EFHD1: variants seen among roughly 807,000 people sequenced by gnomAD.
EFHD1 encodes the protein EF-hand domain family member D1, also known as EF-hand domain-containing protein D1.
A neutral mutation model predicts 17.2 loss-of-function variants in EFHD1; 10 were observed. The ratio of observed to expected loss-of-function variants is 0.58; its 90% confidence interval spans 0.36 to 0.99. The LOEUF is 0.99. Among genes scored for constraint, EFHD1 ranks in the 50% least tolerant of loss-of-function variants. The pLI is 0.01. For synonymous variants in EFHD1, 153 were observed against 142.0 expected, an observed-to-expected ratio of 1.08 and a Z score of -0.55; for missense variants, 310 against 327.5, an observed-to-expected ratio of 0.95 and a Z score of 0.41.
chr2:232,624,826 G>A (rs563287221), intron 1 of EFHD1, among the ~76,000 whole-genome samples: 4 of 152,222 alleles, frequency 2.6e-5, no homozygotes, highest in Admixed American at 6.5e-5. Context: ...GGAGCTCCAC[G>A]CTTACAGCCT....
At chr2:232,632,109 T>C (rs1390021260), upstream of EFHD1, among the ~76,000 whole-genome samples, 2 of 152,178 alleles carry the variant, frequency 1.3e-5, no homozygotes, top group African/African-American at 4.8e-5. Context: ...TCAAAACAGA[T>C]GTGACAACAA....
chr2:232,635,363 T>C (rs1183892240), intron 1 of EFHD1, among the ~76,000 whole-genome samples: 9 of 152,120 alleles, frequency 5.9e-5, no homozygotes, highest in African/African-American at 1.7e-4. Flanking sequence ...CAAGTTTTCT[T>C]GTGGCCACTC....
At chr2:232,612,729 CT>C (rs1693832593) in intron 1 of EFHD1, among the ~76,000 whole-genome samples, 1 of 141,424 alleles carries the variant, frequency 7.1e-6, no homozygotes, top group South Asian at 2.2e-4. Context: ...TTCTTTTTTT[CT>C]TTTCTTTTTT....
intron 3 of EFHD1, among the ~76,000 whole-genome samples, chr2:232,673,332 G>A (rs867846839): frequency 3.9e-5 from 6 of 152,322 alleles, no homozygotes; most frequent in Admixed American, 6.5e-5. Flanking sequence ...TTGAGAGCCC[G>A]AGCTTAGCAG....
intron 1 of EFHD1, among the ~76,000 whole-genome samples, chr2:232,610,065 G>T (rs542509278): frequency 1.3e-5 from 2 of 152,234 alleles, no homozygotes; most frequent in Non-Finnish European, 2.9e-5. Context: ...AGGGCACAGC[G>T]CCTGTCCCGC....
intron 1 of EFHD1, chr2:232,606,548 G>A (rs969526197): frequency 2.9e-6 from 1 of 339,702 alleles, no homozygotes; most frequent in Admixed American, 3.9e-5. Context: ...CGCTGGGGCT[G>A]GGGGACCCTG....
upstream of EFHD1, among the ~76,000 whole-genome samples, chr2:232,628,926 C>G (rs964998884): frequency 2.6e-5 from 4 of 152,112 alleles, no homozygotes; most frequent in African/African-American, 9.7e-5. Context: ...GAAAGCCTAC[C>G]CTTGGAGCCT....
chr2:232,644,741 C>T (rs1020570194), intron 1 of EFHD1, among the ~76,000 whole-genome samples: 4 of 151,334 alleles, frequency 2.6e-5, no homozygotes, highest in Non-Finnish European at 4.4e-5. Flanking sequence ...ATCCACCTGT[C>T]TTGGCCTCCC....
chr2:232,614,918 G>T (rs986429561), intron 1 of EFHD1, among the ~76,000 whole-genome samples: 2 of 152,144 alleles, frequency 1.3e-5, no homozygotes, highest in African/African-American at 4.8e-5. Flanking sequence ...GAAGGCTGCT[G>T]TGAGCCGGGA....
chr2:232,667,268 G>A (rs748539205), intron 2 of EFHD1, among the ~76,000 whole-genome samples: 7 of 152,152 alleles, frequency 4.6e-5, no homozygotes, highest in Non-Finnish European at 8.8e-5. Context: ...TGGATGGACC[G>A]CTGGTCTGAC....
At chr2:232,607,454 C>T (rs1285640236) in intron 1 of EFHD1, among the ~76,000 whole-genome samples, 1 of 150,608 alleles carries the variant, frequency 6.6e-6, no homozygotes, top group African/African-American at 2.4e-5. Context: ...AAAAGCCTGG[C>T]GTGGTAGCAG....
At chr2:232,664,275 A>G (rs1175440871) in intron 2 of EFHD1, among the ~76,000 whole-genome samples, 1 of 151,588 alleles carries the variant, frequency 6.6e-6, no homozygotes, top group African/African-American at 2.4e-5. Context: ...AGTAGCTGGG[A>G]CTACAGAAAT....
Position 232,662,789 on chromosome 2 carries a change from T to C in EFHD1, c.303-13T>C. On this transcript the variant is annotated splice_polypyrimidine_tract_variant and intron_variant, in intron 1 of 3. Transcript: ENST00000264059. ...TCCTTTCATCCCGGTCATGCATTCC[T>C]TTGACCCTGCAGGTATGACGCTGGG... 1 of 1,560,646 alleles carries C rather than the reference T, an allele frequency of 6.4e-7. No homozygotes were observed. The highest frequency in any genetic ancestry group is 8.6e-7 in the Non-Finnish European group (1 of 1,159,974).
rs569120803 is a variant in EFHD1 at position 232,677,243 on chromosome 2, T to TACACACACACACACAC, written c.586-4331_586-4330insCACACACACACACACA. On this transcript the variant is annotated intron_variant, in intron 3 of 3. Coordinates refer to ENST00000264059, the MANE Select transcript of EFHD1 (RefSeq NM_025202.4). Reference sequence around the variant, plus strand: ...ACACACACACACACACACACACACGTACACACACACATCTTTCTATAACAC... The same window carrying TACACACACACACACAC: ...ACACACACACACACACACACACACGTACACACACACACACACACACACACACATCTTTCTATAACAC... Among the ~76,000 whole-genome samples the TACACACACACACACAC allele has an allele frequency of 2.1e-3, 210 of 99,312 alleles. 2 individuals are homozygous for TACACACACACACACAC. The highest frequency in any genetic ancestry group is 5.5e-3 in the East Asian group (19 of 3,460). 65.2% of individuals were successfully genotyped at this position (99,312 alleles called of 152,430 possible).
chr2:232,606,120 A>G (rs1238841952), exon 1 of EFHD1: 8 of 1,549,630 alleles, frequency 5.2e-6, no homozygotes, highest in Non-Finnish European at 7.0e-6. Flanking sequence ...TGTCCCTGTG[A>G]AGGCCAAGAT....
chr2:232,632,328 A>T (rs1000141048), upstream of EFHD1, among the ~76,000 whole-genome samples: 1 of 152,206 alleles, frequency 6.6e-6, no homozygotes, highest in Admixed American at 6.5e-5. Flanking sequence ...GGTCCCCCGC[A>T]TGCCCTGCAC....
At chr2:232,677,572 T>C (rs1695202764) in intron 3 of EFHD1, among the ~76,000 whole-genome samples, 1 of 151,780 alleles carries the variant, frequency 6.6e-6, no homozygotes, top group Admixed American at 6.6e-5. Context: ...CAAACAAAAA[T>C]ATTAGCTGGG....
chr2:232,672,334 C>T lies in EFHD1; in HGVS notation c.476C>T (p.Ala159Val), dbSNP rs200847019. ...REFLLIFHKAAAGELQEDSGL... is the reference protein window; with the variant it reads ...REFLLIFHKAVAGELQEDSGL... ...TTCCTGCTCATTTTCCACAAGGCCG[C>T]GGCAGGGGAGCTGCAGGAGGACAGT... Residue 159 changes from alanine (A) to valine (V), a missense_variant, in exon 3 of 4, where the codon GCG becomes GTG. Physicochemically the swap from Ala to Val is moderately conservative, Grantham distance 64. Transcript: ENST00000264059. 2.6e-5 allele frequency: 42 copies of T among 1,614,138 alleles called. No individual in the cohort carries two copies. The African/African-American group carries it at 3.9e-4, about 15-fold the overall frequency.
chr2:232,678,899 A>G (rs1204137840), intron 3 of EFHD1, among the ~76,000 whole-genome samples: 2 of 152,224 alleles, frequency 1.3e-5, no homozygotes, highest in South Asian at 2.1e-4. Flanking sequence ...ACAATTAGCT[A>G]TGCACTTGTG....
Sources: gnomAD v4.1 joint callset for allele counts (sites outside exome capture counted in the v4.1 genomes callset) on GRCh38, gnomAD v4.1.1 for gene constraint, MANE v1.5 for transcripts, NCBI Gene and HGNC (gene_info 2026-07-23, HGNC 2026-07-21) for gene names.